The following LINGO2 variants were observed in gnomAD, a reference collection of about 807,000 sequenced individuals.
LINGO2 encodes the protein leucine-rich repeat and immunoglobulin-like domain-containing nogo receptor-interacting protein 2.
In LINGO2, 14 loss-of-function variants were observed where a neutral mutation model predicts 30.6. The ratio of observed to expected loss-of-function variants is 0.46; its 90% confidence interval spans 0.30 to 0.72. The LOEUF is 0.72. LINGO2 is among the 30% of genes least tolerant of loss of function. The pLI is 0.07. For synonymous variants in LINGO2, 317 were observed against 288.5 expected, an observed-to-expected ratio of 1.10 and a Z score of -1.00; for missense variants, 729 against 751.7, an observed-to-expected ratio of 0.97 and a Z score of 0.35.
chr9:28,126,161 TATC>T (rs1827229853), intron 4 of LINGO2, among the ~76,000 whole-genome samples: 1 of 152,194 alleles, frequency 6.6e-6, no homozygotes, highest in Admixed American at 6.5e-5. Flanking sequence ...AGGAATGTGA[TATC>T]ATATTCTGTG....
At chr9:28,213,481 C>T (rs907754445) in intron 4 of LINGO2, among the ~76,000 whole-genome samples, 14 of 151,200 alleles carry the variant, frequency 9.3e-5, no homozygotes, top group Non-Finnish European at 1.0e-4. Flanking sequence ...CTTTCTTCTG[C>T]CTGGTTTTCT....
the LINGO2 span, among the ~76,000 whole-genome samples, chr9:28,706,596 T>G: frequency 6.6e-6 from 1 of 152,166 alleles, no homozygotes; most frequent in South Asian, 2.1e-4. Flanking sequence ...ATGACCCTTC[T>G]TGTCTTCATG....
chr9:27,968,842 C>G (rs936743144), intron 5 of LINGO2, among the ~76,000 whole-genome samples: 2 of 151,534 alleles, frequency 1.3e-5, no homozygotes, highest in Non-Finnish European at 3.0e-5. Context: ...TAATTTACCT[C>G]TACCTTTAAA....
At chr9:28,038,679 C>A (rs1824058834) in intron 4 of LINGO2, among the ~76,000 whole-genome samples, 1 of 132,730 alleles carries the variant, frequency 7.5e-6, no homozygotes, top group Admixed American at 8.0e-5. Context: ...GGCGACAGAG[C>A]GAGACTCCGT....
At chr9:28,261,592 G>T (rs1206580008) in intron 4 of LINGO2, among the ~76,000 whole-genome samples, 1 of 151,772 alleles carries the variant, frequency 6.6e-6, no homozygotes, top group Non-Finnish European at 1.5e-5. Flanking sequence ...ACTTTAAAAT[G>T]AAACTAAAGA....
chr9:28,303,636 G>T (rs908452280), intron 3 of LINGO2, among the ~76,000 whole-genome samples: 2 of 151,972 alleles, frequency 1.3e-5, no homozygotes, highest in Non-Finnish European at 2.9e-5. Context: ...ATTAAATACT[G>T]TAATCTTACA....
At chr9:27,964,320 TACTC>T (rs1190740084) in intron 5 of LINGO2, among the ~76,000 whole-genome samples, 1 of 152,162 alleles carries the variant, frequency 6.6e-6, no homozygotes, top group Admixed American at 6.6e-5. Context: ...GGTAGACAGT[TACTC>T]ACTATTGTAA....
At chr9:28,837,364 G>T in the LINGO2 span, among the ~76,000 whole-genome samples, 2 of 151,858 alleles carry the variant, frequency 1.3e-5, no homozygotes, top group Non-Finnish European at 2.9e-5. Context: ...ATATTGTTAG[G>T]GCCAAGCGTG....
intron 4 of LINGO2, among the ~76,000 whole-genome samples, chr9:28,265,831 A>G (rs1822729282): frequency 6.6e-6 from 1 of 151,964 alleles, no homozygotes; most frequent in African/African-American, 2.4e-5. Flanking sequence ...AGGTCTTATT[A>G]CCACCTTTCT....
At chr9:28,959,610 C>CACACA in the LINGO2 span, among the ~76,000 whole-genome samples, 6 of 141,712 alleles carry the variant, frequency 4.2e-5, no homozygotes, top group African/African-American at 1.6e-4. Flanking sequence ...TCTCTCTCTC[C>CACACA]CTCACACACA....
chr9:28,036,937 T>C (rs1198850447), intron 4 of LINGO2, among the ~76,000 whole-genome samples: 2 of 152,162 alleles, frequency 1.3e-5, no homozygotes, highest in African/African-American at 4.8e-5. Flanking sequence ...TCTCAGACCA[T>C]ACAAATGAGA....
At chr9:28,034,033 G>C (rs149363686) in intron 4 of LINGO2, among the ~76,000 whole-genome samples, 2 of 152,204 alleles carry the variant, frequency 1.3e-5, no homozygotes, top group Non-Finnish European at 2.9e-5. Flanking sequence ...CCTTAGCGAA[G>C]CTTCATGTGC....
intron 1 of LINGO2, among the ~76,000 whole-genome samples, chr9:28,483,699 T>C (rs1281701331): frequency 1.3e-5 from 2 of 152,054 alleles, no homozygotes; most frequent in Non-Finnish European, 2.9e-5. Flanking sequence ...ACTGTGGCAT[T>C]ATTTCAAATA....
intron 2 of LINGO2, among the ~76,000 whole-genome samples, chr9:28,417,461 T>C (rs1027901017): frequency 6.6e-6 from 1 of 152,250 alleles, no homozygotes; most frequent in Admixed American, 6.5e-5. Flanking sequence ...AATAAGCATC[T>C]GATAAGTCTG....
chr9:28,932,856 T>C, the LINGO2 span, among the ~76,000 whole-genome samples: 49 of 152,020 alleles, frequency 3.2e-4, no homozygotes, highest in Non-Finnish European at 6.6e-4. Flanking sequence ...TTATATATAA[T>C]TACAATATTC....
intron 4 of LINGO2, among the ~76,000 whole-genome samples, chr9:28,118,095 G>C (rs150035735): frequency 1.3e-5 from 2 of 152,030 alleles, no homozygotes; most frequent in Non-Finnish European, 2.9e-5. Context: ...GTGGAGTAGG[G>C]GAGGGAGAGT....
intron 1 of LINGO2, among the ~76,000 whole-genome samples, chr9:28,478,346 G>A (rs963733138): frequency 1.3e-5 from 2 of 149,934 alleles, no homozygotes; most frequent in African/African-American, 5.0e-5. Flanking sequence ...TTTTTTCTCA[G>A]TTTGATTTAA....
At chr9:28,179,960 T>A (rs1828866992) in intron 4 of LINGO2, among the ~76,000 whole-genome samples, 2 of 152,084 alleles carry the variant, frequency 1.3e-5, no homozygotes, top group South Asian at 4.1e-4. Context: ...TCTGTTTTCC[T>A]CTTTGAATGT....
At chr9:28,790,477 C>G in the LINGO2 span, among the ~76,000 whole-genome samples, 12 of 150,802 alleles carry the variant, frequency 8.0e-5, no homozygotes, top group Admixed American at 7.9e-4. Context: ...TACAGGCGCC[C>G]GCCACCACGC....
Sources: allele counts gnomAD v4.1 joint callset (sites outside exome capture counted in the v4.1 genomes callset), GRCh38; gene constraint gnomAD v4.1.1; transcripts MANE v1.5; gene names NCBI Gene and HGNC (gene_info 2026-07-23, HGNC 2026-07-21).